C1QTNF3: variants seen among roughly 807,000 people sequenced by gnomAD.
C1QTNF3 encodes the protein complement C1q tumor necrosis factor-related protein 3.
C1QTNF3 carries 26 observed loss-of-function variants against 32.6 expected under a neutral mutation model. The ratio of observed to expected loss-of-function variants is 0.80; its 90% CI spans 0.58 to 1.11. The LOEUF (loss-of-function observed/expected upper bound fraction) is 1.11, where lower values mean the gene tolerates loss of function less well. Among genes scored for constraint, C1QTNF3 ranks in the 50% least tolerant of loss-of-function variants. C1QTNF3 has a pLI of 0.00. For synonymous variants in C1QTNF3, 155 were observed against 146.0 expected, an observed-to-expected ratio of 1.06 and a Z score of -0.44; for missense variants, 362 against 398.2, an observed-to-expected ratio of 0.91 and a Z score of 0.77.
chr5:34,044,236 G>C (rs902478524), upstream of C1QTNF3, among the ~76,000 whole-genome samples: 2 of 152,126 alleles, frequency 1.3e-5, no homozygotes, highest in African/African-American at 4.8e-5. Flanking sequence ...AATTGCTTCA[G>C]GATAATAAAT....
chr5:34,148,187 C>A, the C1QTNF3 span, among the ~76,000 whole-genome samples: 5 of 148,918 alleles, frequency 3.4e-5, no homozygotes, highest in African/African-American at 1.2e-4. Flanking sequence ...ATATCCCACA[C>A]CTGGCTTGGA....
the C1QTNF3 span, among the ~76,000 whole-genome samples, chr5:34,236,115 T>C: frequency 2.6e-5 from 4 of 152,234 alleles, no homozygotes; most frequent in Admixed American, 6.5e-5. Flanking sequence ...ATATAAAATA[T>C]GTTATTTCTA....
chr5:34,148,116 T>C, the C1QTNF3 span, among the ~76,000 whole-genome samples: 2 of 149,856 alleles, frequency 1.3e-5, no homozygotes, highest in Admixed American at 6.6e-5. Context: ...GAAAATCGGG[T>C]CACTCCCACC....
chr5:34,195,905 G>A, the C1QTNF3 span, among the ~76,000 whole-genome samples: 1 of 152,278 alleles, frequency 6.6e-6, no homozygotes, highest in East Asian at 1.9e-4. Context: ...TGGGAGGCGT[G>A]GCCTTTAGGA....
the C1QTNF3 span, chr5:34,168,867 T>C: frequency 6.6e-6 from 1 of 152,192 alleles, no homozygotes; most frequent in African/African-American, 2.4e-5. Context: ...TTTGAATGTG[T>C]CCCTCAAAAT....
chr5:34,029,457 A>G (rs1045358269), intron 3 of C1QTNF3, among the ~76,000 whole-genome samples: 5 of 152,312 alleles, frequency 3.3e-5, no homozygotes, highest in Admixed American at 6.5e-5. Context: ...TTCTAATGAA[A>G]TTAATTCTTT....
At chr5:34,127,589 T>TC in the C1QTNF3 span, among the ~76,000 whole-genome samples, 831 of 118,610 alleles carry the variant, frequency 7.0e-3, 15 homozygotes, top group African/African-American at 0.025. Flanking sequence ...TTTCTTTTCC[T>TC]TTTTTTTTTT....
the C1QTNF3 span, among the ~76,000 whole-genome samples, chr5:34,220,867 C>T: frequency 6.6e-6 from 1 of 151,968 alleles, no homozygotes. Flanking sequence ...CTGGAAGGAC[C>T]TGTCAGAATC....
At chr5:34,037,683 G>C (rs1338666642) in intron 1 of C1QTNF3, among the ~76,000 whole-genome samples, 1 of 152,152 alleles carries the variant, frequency 6.6e-6, no homozygotes, top group Non-Finnish European at 1.5e-5. Context: ...ACAAGAACTA[G>C]AGTCTATGAA....
At chr5:34,142,847 C>T in the C1QTNF3 span, among the ~76,000 whole-genome samples, 271 of 152,296 alleles carry the variant, frequency 1.8e-3, 1 homozygote, top group African/African-American at 6.2e-3. Context: ...AGAATCAGCA[C>T]AAGTACTCTG....
the C1QTNF3 span, among the ~76,000 whole-genome samples, chr5:34,087,442 T>C: frequency 6.6e-6 from 1 of 152,296 alleles, no homozygotes; most frequent in South Asian, 2.1e-4. Flanking sequence ...TCATCTAAGA[T>C]TGTATGCTCA....
At chr5:34,125,799 GT>G in the C1QTNF3 span, among the ~76,000 whole-genome samples, 4 of 152,054 alleles carry the variant, frequency 2.6e-5, no homozygotes, top group African/African-American at 9.7e-5. Context: ...AATAAAATAG[GT>G]TTTGTTGAAA....
chr5:34,118,220 C>T, the C1QTNF3 span, among the ~76,000 whole-genome samples: 4 of 152,082 alleles, frequency 2.6e-5, no homozygotes, highest in Non-Finnish European at 5.9e-5. Context: ...GCTGGAATTA[C>T]GGGTGCACAC....
the C1QTNF3 span, among the ~76,000 whole-genome samples, chr5:34,114,900 A>C: frequency 6.6e-6 from 1 of 152,156 alleles, no homozygotes; most frequent in Non-Finnish European, 1.5e-5. Flanking sequence ...GTTTAGATTC[A>C]CCACTATTTG....
At chr5:34,154,796 T>G in the C1QTNF3 span, among the ~76,000 whole-genome samples, 8 of 152,190 alleles carry the variant, frequency 5.3e-5, no homozygotes, top group African/African-American at 1.4e-4. Flanking sequence ...GCATGAACAA[T>G]CTCTGGGCAT....
the C1QTNF3 span, among the ~76,000 whole-genome samples, chr5:34,061,207 T>G: frequency 1.3e-5 from 2 of 152,230 alleles, no homozygotes; most frequent in Admixed American, 1.3e-4. Context: ...ATCCAGGTCA[T>G]GCTGATGCAA....
chr5:34,112,728 A>C, the C1QTNF3 span, among the ~76,000 whole-genome samples: 55 of 152,188 alleles, frequency 3.6e-4, no homozygotes, highest in Non-Finnish European at 1.5e-5. Flanking sequence ...TTTGCATACA[A>C]AAGATCCTTT....
At chr5:34,063,330 CTCTG>C in the C1QTNF3 span, among the ~76,000 whole-genome samples, 421 of 151,920 alleles carry the variant, frequency 2.8e-3, 3 homozygotes, top group African/African-American at 9.7e-3. Flanking sequence ...CCTTTTCTCT[CTCTG>C]TCTCTCTTTC....
At chr5:34,219,556 A>G in the C1QTNF3 span, among the ~76,000 whole-genome samples, 2 of 152,008 alleles carry the variant, frequency 1.3e-5, no homozygotes, top group African/African-American at 4.8e-5. Flanking sequence ...TTTCAAGAAC[A>G]TAGAATATTG....
Sources: gnomAD v4.1 joint callset for allele counts (sites outside exome capture counted in the v4.1 genomes callset) on GRCh38, gnomAD v4.1.1 for gene constraint, MANE v1.5 for transcripts, NCBI Gene and HGNC (gene_info 2026-07-23, HGNC 2026-07-21) for gene names.